Variants in MEF2D observed in about 807,000 individuals in gnomAD.
The protein encoded by MEF2D is myocyte enhancer factor 2D, also known as myocyte-specific enhancer factor 2D.
A neutral mutation model predicts 59.3 loss-of-function variants in MEF2D; 10 were observed. The observed-to-expected ratio is 0.17, with a 90% CI of 0.10 to 0.29. MEF2D has a LOEUF of 0.29. Among genes scored for constraint, MEF2D ranks in the 10% least tolerant of loss-of-function variants. The pLI is 1.00. For synonymous variants in MEF2D, 305 were observed against 295.0 expected, an observed-to-expected ratio of 1.03 and a Z score of -0.35; for missense variants, 508 against 699.4, an observed-to-expected ratio of 0.73 and a Z score of 3.09.
rs887828790 is a variant in MEF2D, at chr1:156,464,261, G to A, written c.*3384C>T. The stretch of plus-strand genomic sequence containing the variant: ...CCAAAGAGTCAGTTAAAAATATATA[G>A]AGATATAGATATTTCTAGATACACT... On this transcript the variant is annotated 3_prime_UTR_variant, in exon 12 of 12. Coordinates refer to ENST00000348159, the MANE Select transcript of MEF2D (RefSeq NM_005920.4). 4 of 152,368 alleles carry A rather than the reference G, an allele frequency of 2.6e-5. No homozygotes were observed. The highest frequency in any genetic ancestry group is 4.8e-5 in the African/African-American group (2 of 41,358). The allele number at this position is 152,368 out of a possible 1,614,324, so 9.4% of individuals were successfully genotyped here.
In MEF2D at chr1:156,468,901, G is replaced by A. The variant is rs1326719966; in HGVS notation, c.1126C>T (p.Pro376Ser). ...QPQQPQQPQQ[P>S]QPPQQQPPQP... ...GGTGGCTGCTGCTGTGGAGGCTGTG[G>A]CTGCTGCGGCTGCTGGGGCTGCTGT... Residue 376 changes from proline to serine, a missense_variant, in exon 10 of 12, where the codon CCA becomes TCA. By Grantham distance (74) the Pro-to-Ser change is moderately conservative. Coordinates refer to ENST00000348159, the MANE Select transcript of MEF2D (RefSeq NM_005920.4). This position sits in a 1 kb window ranked among gnomAD's most constrained non-coding sequence, Gnocchi z 4.3. 1.2e-6 allele frequency: 2 copies of A among 1,613,202 alleles called. No homozygotes were observed. The highest frequency in any genetic ancestry group is 2.2e-5 in the South Asian group (2 of 91,052).
rs1395625044 is a variant in MEF2D, at chr1:156,464,105, A to G, written c.*3540T>C. ...CCAGCCTCCCTCCCCCCATACAAATACCATTCCTTCTACCAACTGCTTTAA... is the reference window on the plus strand; with the variant it reads ...CCAGCCTCCCTCCCCCCATACAAATGCCATTCCTTCTACCAACTGCTTTAA... On this transcript the variant is annotated 3_prime_UTR_variant, in exon 12 of 12. Coordinates refer to ENST00000348159, the MANE Select transcript of MEF2D (RefSeq NM_005920.4). 6.6e-6 allele frequency: 1 copy of G among 152,316 alleles called. No individual in the cohort carries two copies. Among genetic ancestry groups the G allele is most frequent in the East Asian group, 1.9e-4 (1 of 5,176 alleles). The allele number at this position is 152,316 out of a possible 1,614,324, so 9.4% of individuals were successfully genotyped here.
At chr1:156,479,537 C>T (rs1441898464) in intron 5 of MEF2D, 49 bp downstream of exon 5, 4 of 1,543,122 alleles carry the variant, frequency 2.6e-6, no homozygotes, top group Non-Finnish European at 8.8e-7. Context: ...CCCAAAGTCC[C>T]CATCACATCT....
Position 156,464,224 on chromosome 1 carries a change from C to A in MEF2D, c.*3421G>T, listed in dbSNP as rs1035529625. 1.3e-5 allele frequency: 2 copies of A among 152,510 alleles called. No individual in the cohort carries two copies. Among genetic ancestry groups the A allele is most frequent in the African/African-American group, 4.8e-5 (2 of 41,396 alleles). 9.4% of individuals were successfully genotyped at this position (152,510 alleles called of 1,614,324 possible). A position where few individuals can be genotyped will look rare whatever the true frequency, so the allele number is the denominator to read the frequency against. ...AAGCCTAAACTTACCCCTCACCCCA[C>A]CCCAGGGGATTCCAAAGAGTCAGTT... On this transcript the variant is annotated 3_prime_UTR_variant, in exon 12 of 12. Transcript: ENST00000348159.
intron 1 of MEF2D, among the ~76,000 whole-genome samples, chr1:156,487,244 C>G (rs1672434469): frequency 6.6e-6 from 1 of 152,204 alleles, no homozygotes; most frequent in Admixed American, 6.5e-5. Context: ...GGCAGGGAAG[C>G]AACAGAGATT....
intron 6 of MEF2D, 39 bp from the exon 7 acceptor site, chr1:156,477,241 G>A: frequency 6.5e-7 from 1 of 1,533,342 alleles, no homozygotes; most frequent in Non-Finnish European, 8.8e-7. Flanking sequence ...GGAAAAACAT[G>A]GGCCTATCCT....
chr1:156,497,969 C>G (rs981743492), intron 1 of MEF2D, among the ~76,000 whole-genome samples: 3 of 151,914 alleles, frequency 2.0e-5, no homozygotes, highest in Non-Finnish European at 4.4e-5. Flanking sequence ...CAATGAGGGC[C>G]TATCCCCAAG....
intron 7 of MEF2D, 51 bp from the exon 8 acceptor site, chr1:156,476,565 TC>T: frequency 6.3e-7 from 1 of 1,594,446 alleles, no homozygotes; most frequent in Non-Finnish European, 8.6e-7. Flanking sequence ...GCCGCTGCCC[TC>T]CCCCACACCT....
At chr1:156,475,303 C>A in intron 8 of MEF2D, 66 bp from the exon 9 acceptor site, 1 of 1,499,382 alleles carries the variant, frequency 6.7e-7, no homozygotes, top group Admixed American at 2.3e-5. Context: ...GGCCCTCCAT[C>A]CCAAGGCCAA....
chr1:156,474,097 T>C (rs568915935), intron 9 of MEF2D, among the ~76,000 whole-genome samples: 3 of 152,322 alleles, frequency 2.0e-5, no homozygotes, highest in African/African-American at 7.2e-5. Context: ...CCTGCCTCTG[T>C]CCTGTCTCGT....
At chr1:156,484,757 A>C (rs1417812408) in intron 1 of MEF2D, among the ~76,000 whole-genome samples, 1 of 152,208 alleles carries the variant, frequency 6.6e-6, no homozygotes, top group Non-Finnish European at 1.5e-5. Flanking sequence ...CAACTCCAGG[A>C]GGCACCATAG....
At chr1:156,498,549 C>A (rs1673280283) in intron 1 of MEF2D, among the ~76,000 whole-genome samples, 1 of 152,134 alleles carries the variant, frequency 6.6e-6, no homozygotes, top group East Asian at 1.9e-4. Flanking sequence ...AAAAACTCAA[C>A]CTTTTGGGTC....
At chr1:156,498,348 A>C (rs1318193962) in intron 1 of MEF2D, among the ~76,000 whole-genome samples, 5 of 151,990 alleles carry the variant, frequency 3.3e-5, no homozygotes, top group Non-Finnish European at 5.9e-5. Context: ...AGCTCTAGCC[A>C]ATTCCCCATG....
intron 1 of MEF2D, among the ~76,000 whole-genome samples, chr1:156,497,878 A>C (rs1360746352): frequency 6.6e-6 from 1 of 151,974 alleles, no homozygotes; most frequent in Non-Finnish European, 1.5e-5. Flanking sequence ...CTCTGGGGGT[A>C]TAAGAGCCAG....
chr1:156,496,330 C>G, intron 1 of MEF2D, among the ~76,000 whole-genome samples: 1 of 152,158 alleles, frequency 6.6e-6, no homozygotes, highest in South Asian at 2.1e-4. Flanking sequence ...TGTTAATCAC[C>G]GAAAGGCGAA....
chr1:156,471,119 G>A (rs770789612), intron 9 of MEF2D, among the ~76,000 whole-genome samples: 4 of 152,012 alleles, frequency 2.6e-5, no homozygotes, highest in South Asian at 4.2e-4. Context: ...GCAGTGGTGC[G>A]ATCTCCACTC....
At chr1:156,483,791 C>A (rs1245036614) in intron 1 of MEF2D, among the ~76,000 whole-genome samples, 3 of 152,260 alleles carry the variant, frequency 2.0e-5, no homozygotes, top group Non-Finnish European at 2.9e-5. Flanking sequence ...GCTCCTCTGG[C>A]CTAGAACTAT....
chr1:156,467,689 A>AG lies in MEF2D; in HGVS notation c.1555-34dup, dbSNP rs764019656. 25 of 1,348,658 alleles carry AG rather than the reference A, an allele frequency of 1.9e-5. No individual in the cohort carries two copies. In the African/African-American group the frequency reaches 3.4e-4, roughly 18 times the overall value. 83.5% of individuals were successfully genotyped at this position (1,348,658 alleles called of 1,614,324 possible). The stretch of plus-strand genomic sequence containing the variant: ...GAGAGGAGATGGAGAAGGGGGTGTG[A>AG]GGGGGTGGCCCAGGCTTTGGGTATG... On this transcript the variant is annotated intron_variant, in intron 11 of 11. Coordinates refer to ENST00000348159, the MANE Select transcript of MEF2D (RefSeq NM_005920.4).
chr1:156,476,803 T>C, intron 7 of MEF2D: 1 of 664,258 alleles, frequency 1.5e-6, no homozygotes, highest in Non-Finnish European at 2.6e-6. Flanking sequence ...TGCCCCTTTT[T>C]ACTGCCTTAG....
Sources: gnomAD v4.1 joint callset for allele counts (sites outside exome capture counted in the v4.1 genomes callset) on GRCh38, gnomAD v4.1.1 for gene constraint, Gnocchi (gnomAD v3.1) non-coding constraint, MANE v1.5 for transcripts, NCBI Gene and HGNC (gene_info 2026-07-23, HGNC 2026-07-21) for gene names.